Variants in ZC3HAV1 observed in about 807,000 individuals in gnomAD.
ZC3HAV1 encodes zinc finger CCCH-type antiviral protein 1.
A neutral mutation model predicts 86.6 loss-of-function variants in ZC3HAV1; 41 were observed. The ratio of observed to expected loss-of-function variants is 0.47; its 90% CI spans 0.37 to 0.61. The LOEUF is 0.61. ZC3HAV1 is among the 20% of genes least tolerant of loss of function. The pLI is 0.00. For synonymous variants in ZC3HAV1, 421 were observed against 432.1 expected (o/e 0.97, Z 0.32); for missense variants, 964 against 1,141.1 (o/e 0.84, Z 2.24).
rs1309224691 is a variant in ZC3HAV1 at position 139,083,946 on chromosome 7, G to A, written c.531C>T (p.Phe177=). The A allele has an allele frequency of 6.2e-7, 1 of 1,614,126 alleles. No individual in the cohort carries two copies. Residue 177 remains phenylalanine (F), a synonymous_variant, in exon 3 of 13, where the codon TTC becomes TTT. Coordinates refer to ENST00000242351, the MANE Select transcript of ZC3HAV1 (RefSeq NM_020119.4). ...TGGGAAAACGACAGTTCCCTCGGGT[G>A]AAGTGGTCACAGATGTGGAGTCTTG... ...PCSRLHICDH[F]TRGNCRFPNC... is the part of the protein sequence containing the mutation.
chr7:139,106,549 G>A (rs545274488), intron 1 of ZC3HAV1, among the ~76,000 whole-genome samples: 1 of 152,322 alleles, frequency 6.6e-6, no homozygotes, highest in Admixed American at 6.5e-5. Context: ...GGGAGGCAGA[G>A]TTTGCAGTGA....
intron 9 of ZC3HAV1, among the ~76,000 whole-genome samples, chr7:139,057,532 A>ATTTTTT (rs765288792): frequency 2.1e-4 from 12 of 56,906 alleles, no homozygotes; most frequent in Non-Finnish European, 3.2e-4. Context: ...AAACAATTAC[A>ATTTTTT]TTTTTTTTTT....
chr7:139,053,710 C>A (rs1271461958), intron 11 of ZC3HAV1, 129 bp from the exon 12 acceptor site: 6 of 1,261,030 alleles, frequency 4.8e-6, no homozygotes, highest in Non-Finnish European at 6.4e-6. Context: ...GAGCTACTAA[C>A]TTTAAGGCAG....
intron 9 of ZC3HAV1, among the ~76,000 whole-genome samples, chr7:139,058,144 C>T (rs1451803814): frequency 6.6e-6 from 1 of 150,780 alleles, no homozygotes; most frequent in Non-Finnish European, 1.5e-5. Flanking sequence ...TGGTTCTCTG[C>T]ATGACCCACC....
intron 5 of ZC3HAV1, 63 bp from the exon 6 acceptor site, chr7:139,076,472 G>C: frequency 6.3e-7 from 1 of 1,597,902 alleles, no homozygotes; most frequent in South Asian, 1.1e-5. Flanking sequence ...ATTCAGTCAA[G>C]TTCACTGCCA....
At chr7:139,090,889 C>T (rs1300002808) in intron 1 of ZC3HAV1, among the ~76,000 whole-genome samples, 1 of 152,152 alleles carries the variant, frequency 6.6e-6, no homozygotes, top group African/African-American at 2.4e-5. Context: ...AACCAGGAGC[C>T]GAGACCTTGA....
chr7:139,060,377 GGA>G, intron 9 of ZC3HAV1: 1 of 986,824 alleles, frequency 1.0e-6, no homozygotes, highest in Non-Finnish European at 1.2e-6. Flanking sequence ...CAGTTCACAA[GGA>G]GAGTTACAAT....
chr7:139,053,644 T>C, intron 11 of ZC3HAV1, 63 bp from the exon 12 acceptor site: 1 of 1,498,102 alleles, frequency 6.7e-7, no homozygotes, highest in Non-Finnish European at 8.8e-7. Context: ...TTGATAACAT[T>C]AATCCCAGCT....
chr7:139,091,997 CTTTTATACTTTGGTTTA>C (rs1245168177), intron 1 of ZC3HAV1, among the ~76,000 whole-genome samples: 2 of 152,096 alleles, frequency 1.3e-5, no homozygotes, highest in Admixed American at 6.6e-5. Flanking sequence ...GCTAGATTTT[CTTTTATACTTTGGTTTA>C]GAAAGGGGAG....
intron 8 of ZC3HAV1, among the ~76,000 whole-genome samples, chr7:139,062,518 C>A (rs1465551303): frequency 6.6e-6 from 1 of 152,232 alleles, no homozygotes; most frequent in Non-Finnish European, 1.5e-5. Context: ...TGCACTGTTT[C>A]ATTTTCTCCA....
chr7:139,065,500 T>G (rs556033169), intron 7 of ZC3HAV1, among the ~76,000 whole-genome samples: 1 of 152,304 alleles, frequency 6.6e-6, no homozygotes, highest in East Asian at 1.9e-4. Context: ...ATAAATAACC[T>G]AACCCTCTCC....
chr7:139,101,937 T>G (rs1817785809), intron 1 of ZC3HAV1, among the ~76,000 whole-genome samples: 1 of 151,834 alleles, frequency 6.6e-6, no homozygotes, highest in African/African-American at 2.4e-5. Flanking sequence ...TCTGCTGACC[T>G]TCCCTCCACT....
In ZC3HAV1 at chr7:139,047,836, C is replaced by A. The variant is rs891790917; in HGVS notation, c.2467G>T (p.Asp823Tyr). 3.1e-6 allele frequency: 5 copies of A among 1,611,264 alleles called. No individual in the cohort carries two copies. In the African/African-American group the frequency reaches 6.7e-5, roughly 22 times the overall value. Residue 823 changes from aspartate (D) to tyrosine (Y), a missense_variant, in exon 13 of 13, where the codon GAT becomes TAT. Transcript: ENST00000242351. Reference protein sequence around the residue: ...KYGKGIYFAKDAIYSHKNCPY... With the variant: ...KYGKGIYFAKYAIYSHKNCPY... ...CAATTTTTGTGGGAATAGATGGCAT[C>A]TTTTGCAAAGTAAATTCCTAGAAAG...
At chr7:139,078,185 G>A (rs774901202) in intron 5 of ZC3HAV1, among the ~76,000 whole-genome samples, 1 of 152,190 alleles carries the variant, frequency 6.6e-6, no homozygotes, top group African/African-American at 2.4e-5. Flanking sequence ...GTTGCAGTGA[G>A]CTGAGATTAC....
intron 5 of ZC3HAV1, among the ~76,000 whole-genome samples, chr7:139,077,813 CA>C (rs1816996997): frequency 6.6e-6 from 1 of 152,030 alleles, no homozygotes. Flanking sequence ...AACTTCAAAA[CA>C]AACAAAAAAG....
intron 1 of ZC3HAV1, among the ~76,000 whole-genome samples, chr7:139,100,513 G>A (rs1466662667): frequency 6.6e-6 from 1 of 151,616 alleles, no homozygotes; most frequent in Non-Finnish European, 1.5e-5. Flanking sequence ...CAGCCTGGGC[G>A]ACAGACCGAG....
chr7:139,060,434 A>G, intron 9 of ZC3HAV1: 1 of 989,016 alleles, frequency 1.0e-6, no homozygotes, highest in Non-Finnish European at 1.2e-6. Context: ...TTCAATCAAT[A>G]TTATCTCTCA....
chr7:139,055,631 G>C (rs1422002519), intron 9 of ZC3HAV1, among the ~76,000 whole-genome samples: 1 of 152,128 alleles, frequency 6.6e-6, no homozygotes, highest in African/African-American at 2.4e-5. Context: ...CAGCTTCTTG[G>C]TCAAAGGATA....
At chr7:139,100,969 A>C (rs903167300) in intron 1 of ZC3HAV1, among the ~76,000 whole-genome samples, 6 of 150,796 alleles carry the variant, frequency 4.0e-5, no homozygotes, top group African/African-American at 7.3e-5. Context: ...CAGCCTGCCG[A>C]GTGCCTGCGA....
Sources: allele counts gnomAD v4.1 joint callset (sites outside exome capture counted in the v4.1 genomes callset), GRCh38; gene constraint gnomAD v4.1.1; transcripts MANE v1.5; gene names NCBI Gene and HGNC (gene_info 2026-07-23, HGNC 2026-07-21).